PTPRT: variants seen among roughly 807,000 people sequenced by gnomAD.
PTPRT encodes receptor-type tyrosine-protein phosphatase T.
PTPRT carries 56 observed loss-of-function variants against 176.8 expected under a neutral mutation model. That is an observed-to-expected ratio of 0.32 (90% CI 0.26 to 0.40). The LOEUF (loss-of-function observed/expected upper bound fraction) is 0.40, where lower values mean the gene tolerates loss of function less well. PTPRT is among the 10% of genes least tolerant of loss of function. PTPRT has a pLI of 1.00. For missense variants in PTPRT, 1,540 were observed against 1,908.2 expected (o/e 0.81, Z 3.60); for synonymous variants, 783 against 739.0 (o/e 1.06, Z -0.96).
At chr20:42,460,509 TA>T (rs2071000051) in intron 8 of PTPRT, among the ~76,000 whole-genome samples, 1 of 152,066 alleles carries the variant, frequency 6.6e-6, no homozygotes, top group Non-Finnish European at 1.5e-5. Flanking sequence ...ACTGGGCCAA[TA>T]AGGTTGGGAT....
rs202010919 is a variant in PTPRT, at chr20:42,102,116, C to T, written c.3714+8G>A. On this transcript the variant is annotated splice_region_variant and intron_variant, in intron 26 of 30. Transcript: ENST00000373187. ...CAGCTAGGAGCTTTCTGCCCGGGCT[C>T]GGCTTACATCCATCAGTGCTGCGTT... 177 of 1,604,932 alleles carry T rather than the reference C, an allele frequency of 1.1e-4. 3 individuals are homozygous for T. The highest frequency in any genetic ancestry group is 8.4e-4 in the African/African-American group (63 of 74,882).
intron 6 of PTPRT, among the ~76,000 whole-genome samples, chr20:42,743,082 A>C (rs1021579400): frequency 1.3e-5 from 2 of 152,130 alleles, no homozygotes; most frequent in Non-Finnish European, 2.9e-5. Context: ...TGATTAACTC[A>C]AAGAGGAGGC....
intron 1 of PTPRT, among the ~76,000 whole-genome samples, chr20:42,898,641 T>C (rs2079345110): frequency 6.6e-6 from 1 of 152,198 alleles, no homozygotes; most frequent in South Asian, 2.1e-4. Context: ...CCATCTTCTC[T>C]ACATGGTCTG....
intron 1 of PTPRT, among the ~76,000 whole-genome samples, chr20:43,070,708 G>C (rs1351658986): frequency 1.3e-5 from 2 of 151,852 alleles, no homozygotes; most frequent in Admixed American, 6.6e-5. Flanking sequence ...CATCATTCTC[G>C]GCAAACTCTC....
At chr20:42,109,093 C>A (rs1180244143) in intron 23 of PTPRT, among the ~76,000 whole-genome samples, 1 of 152,222 alleles carries the variant, frequency 6.6e-6, no homozygotes. Context: ...GGATTACCTC[C>A]TCATCCTCAC....
At chr20:42,426,083 G>A (rs149873823) in intron 9 of PTPRT, among the ~76,000 whole-genome samples, 1 of 152,056 alleles carries the variant, frequency 6.6e-6, no homozygotes, top group Non-Finnish European at 1.5e-5. Context: ...ATACGGATAG[G>A]AGTCAGGGAA....
intron 9 of PTPRT, among the ~76,000 whole-genome samples, chr20:42,434,381 C>G (rs1300022627): frequency 6.6e-6 from 1 of 152,116 alleles, no homozygotes. Context: ...AGGATCTGTT[C>G]TAGGCACCGG....
intron 1 of PTPRT, among the ~76,000 whole-genome samples, chr20:43,031,195 A>G (rs1986124008): frequency 6.6e-6 from 1 of 152,088 alleles, no homozygotes; most frequent in Non-Finnish European, 1.5e-5. Context: ...CCTCCTTTCC[A>G]CAGAAGGACG....
At chr20:42,822,620 C>T (rs922722180) in intron 2 of PTPRT, among the ~76,000 whole-genome samples, 5 of 152,116 alleles carry the variant, frequency 3.3e-5, no homozygotes, top group African/African-American at 7.2e-5. Context: ...AGGCAACCTA[C>T]AGAATGGGAG....
rs145810664 is a variant in PTPRT at position 42,991,496 on chromosome 20, T to C, written c.89-105564A>G. Among the ~76,000 whole-genome samples the C allele has an allele frequency of 4.7e-3, 715 of 151,824 alleles. 8 individuals carry two copies. Among genetic ancestry groups the C allele is most frequent in the African/African-American group, 0.017 (685 of 41,388 alleles). On this transcript the variant is annotated intron_variant, in intron 1 of 30. Coordinates refer to ENST00000373187, the MANE Select transcript of PTPRT (RefSeq NM_007050.6). The stretch of plus-strand genomic sequence containing the variant: ...TACTGTATGATTCCACTTCCATGAG[T>C]TACCCAAAACAGGCAAATCCACAGA...
chr20:42,287,720 C>T (rs1404936468), intron 12 of PTPRT, among the ~76,000 whole-genome samples: 1 of 151,816 alleles, frequency 6.6e-6, no homozygotes, highest in East Asian at 1.9e-4. Context: ...ACAGAGGATA[C>T]TGAATGTTCC....
intron 9 of PTPRT, among the ~76,000 whole-genome samples, chr20:42,370,133 G>A (rs2058568341): frequency 6.6e-6 from 1 of 152,034 alleles, no homozygotes; most frequent in Non-Finnish European, 1.5e-5. Flanking sequence ...AACTCATATG[G>A]GTATCTGGTG....
At chr20:42,331,666 G>A (rs369873911) in intron 11 of PTPRT, among the ~76,000 whole-genome samples, 28 of 152,262 alleles carry the variant, frequency 1.8e-4, no homozygotes, top group Non-Finnish European at 3.2e-4. Context: ...GGTGAAAATC[G>A]TGTATGCACA....
At chr20:42,900,305 G>A (rs118161701) in intron 1 of PTPRT, among the ~76,000 whole-genome samples, 2 of 152,302 alleles carry the variant, frequency 1.3e-5, no homozygotes, top group East Asian at 3.9e-4. Flanking sequence ...GTGTGTGTGA[G>A]GCCCCTTCCT....
intron 7 of PTPRT, among the ~76,000 whole-genome samples, chr20:42,603,832 C>T (rs2073826204): frequency 1.3e-5 from 2 of 152,146 alleles, no homozygotes; most frequent in Admixed American, 6.5e-5. Context: ...AGGATATTGG[C>T]GCAAACAGTG....
intron 1 of PTPRT, among the ~76,000 whole-genome samples, chr20:43,025,831 T>C (rs1286920780): frequency 6.6e-6 from 1 of 152,146 alleles, no homozygotes; most frequent in Non-Finnish European, 1.5e-5. Flanking sequence ...AGCTTCAGTA[T>C]TTCATCCTTT....
chr20:42,855,319 GAAC>G (rs1374368624), intron 2 of PTPRT, among the ~76,000 whole-genome samples: 1 of 151,192 alleles, frequency 6.6e-6, no homozygotes, highest in African/African-American at 2.4e-5. Context: ...GAATTAAAAT[GAAC>G]AACAAAAATA....
rs558142857 is a variant in PTPRT at position 42,154,628 on chromosome 20, C to T, written c.2682+6724G>A. The stretch of plus-strand genomic sequence containing the variant: ...ACTGGGCTGGTTCCATTCATTATGG[C>T]GACAGCCTGTCTGGATTGAACTGGG... On this transcript the variant is annotated intron_variant, in intron 17 of 30. Transcript: ENST00000373187. 7.2e-5 allele frequency among the ~76,000 whole-genome samples: 11 copies of T among 152,320 alleles called. No homozygotes were observed. In the South Asian group the frequency reaches 8.3e-4, roughly 11 times the overall value.
At chr20:42,401,889 CTGCTGCTTTGCTGGGGA>C (rs759707890) in intron 9 of PTPRT, among the ~76,000 whole-genome samples, 2 of 152,176 alleles carry the variant, frequency 1.3e-5, no homozygotes, top group Non-Finnish European at 2.9e-5. Context: ...TATTTTGTAA[CTGCTGCTTTGCTGGGGA>C]AGCAGGGTGT....
Sources: gnomAD v4.1 joint callset for allele counts (sites outside exome capture counted in the v4.1 genomes callset) on GRCh38, gnomAD v4.1.1 for gene constraint, MANE v1.5 for transcripts, NCBI Gene and HGNC (gene_info 2026-07-23, HGNC 2026-07-21) for gene names.